LRRK2: variants seen among roughly 807,000 people sequenced by gnomAD.
LRRK2 encodes leucine-rich repeat serine/threonine-protein kinase 2.
Under a neutral mutation model 302.6 loss-of-function variants are expected in LRRK2, and 203 were observed. That is an observed-to-expected ratio of 0.67 (90% CI 0.60 to 0.75). The LOEUF is 0.75. Among genes scored for constraint, LRRK2 ranks in the 30% least tolerant of loss-of-function variants. The pLI is 0.00. For missense variants in LRRK2, 2,830 were observed against 2,951.0 expected, an observed-to-expected ratio of 0.96 and a Z score of 0.95; for synonymous variants, 1,066 against 1,031.9, an observed-to-expected ratio of 1.03 and a Z score of -0.63.
At chr12:40,366,242 T>C (rs1946877370) in intron 49 of LRRK2, 1 of 151,898 alleles carries the variant, frequency 6.6e-6, no homozygotes, top group Non-Finnish European at 1.5e-5. Context: ...ACATGCTGTT[T>C]ATTTCTTTGC....
At chr12:40,344,277 G>A (rs1946130640) in intron 41 of LRRK2, among the ~76,000 whole-genome samples, 1 of 152,060 alleles carries the variant, frequency 6.6e-6, no homozygotes, top group Non-Finnish European at 1.5e-5. Flanking sequence ...CATTTATCAA[G>A]AAAAAATATG....
intron 23 of LRRK2, 94 bp downstream of exon 23, chr12:40,295,738 C>A: frequency 1.6e-6 from 2 of 1,225,720 alleles, no homozygotes; most frequent in Non-Finnish European, 2.3e-6. Flanking sequence ...AAAGAACATT[C>A]TACTTTTGTG....
chr12:40,246,802 G>A (rs1942006191), intron 7 of LRRK2, among the ~76,000 whole-genome samples: 1 of 152,076 alleles, frequency 6.6e-6, no homozygotes, highest in African/African-American at 2.4e-5. Flanking sequence ...TGAATGCAGC[G>A]CCAGGATTCA....
Position 40,243,661 on chromosome 12 carries a change from T to C in LRRK2, c.818T>C (p.Leu273Ser). ...SERIQEVSCC[L>S]LHRLTLGNFF... is the part of the protein sequence containing the mutation. ...AGAATTCAAGAAGTGAGTTGCTGTT[T>C]GCTCCATAGGCTTACATTAGGTGAG... Residue 273 changes from leucine (L) to serine (S), a missense_variant, in exon 7 of 51, where the codon TTG (leucine) becomes TCG (serine). Leu to Ser is a moderately radical substitution (Grantham distance 145). Transcript: ENST00000298910. 6.2e-7 allele frequency: 1 copy of C among 1,611,878 alleles called. No homozygotes were observed. The highest frequency in any genetic ancestry group is 8.5e-7 in the Non-Finnish European group (1 of 1,178,512).
In LRRK2 at chr12:40,338,127, ACTTTGCT is replaced by A. The variant is rs1945930514; in HGVS notation, c.5949-2166_5949-2160del. ...AGCTTACAGTCTAGTAGGAGAGTCA[ACTTTGCT>A]GTCTTTACCTCAGTGTTTTTCTCCC... On this transcript the variant is annotated intron_variant, in intron 40 of 50. Coordinates refer to ENST00000298910, the MANE Select transcript of LRRK2 (RefSeq NM_198578.4). 5.3e-5 allele frequency among the ~76,000 whole-genome samples: 8 copies of A among 152,124 alleles called. No individual in the cohort carries two copies. In the South Asian group the frequency reaches 1.7e-3, roughly 32 times the overall value.
At chr12:40,366,936 T>C in intron 49 of LRRK2, 70 bp from the exon 50 acceptor site, 1 of 1,167,298 alleles carries the variant, frequency 8.6e-7, no homozygotes, top group South Asian at 1.3e-5. Context: ...TATGAACAAC[T>C]TTACTTTTTT....
intron 39 of LRRK2, among the ~76,000 whole-genome samples, chr12:40,329,008 G>T (rs1371390506): frequency 6.6e-6 from 1 of 152,126 alleles, no homozygotes; most frequent in African/African-American, 2.4e-5. Context: ...CATGACTTCT[G>T]TGTGTTCAGG....
Position 40,354,478 on chromosome 12 carries a change from C to G in LRRK2, c.6756C>G (p.Ser2252=). ...TDSVTCLYCN[S]FSKQSKQKNF... is the part of the protein sequence containing the mutation. Reference sequence around the variant, plus strand: ...CTGTCACTTGTTTGTATTGCAATTCCTTTTCCAAGCAAAGGTATGGTAGTG... The same window carrying G: ...CTGTCACTTGTTTGTATTGCAATTCGTTTTCCAAGCAAAGGTATGGTAGTG... Residue 2252 remains serine (S), a synonymous_variant, in exon 45 of 51, where the codon TCC becomes TCG. Coordinates refer to ENST00000298910, the MANE Select transcript of LRRK2 (RefSeq NM_198578.4). The G allele has an allele frequency of 6.2e-7, 1 of 1,613,960 alleles. No homozygotes were observed. The highest frequency in any genetic ancestry group is 2.2e-5 in the East Asian group (1 of 44,860).
chr12:40,368,273 G>C lies in LRRK2; in HGVS notation c.*508G>C, dbSNP rs929483172. On this transcript the variant is annotated 3_prime_UTR_variant, in exon 51 of 51. Coordinates refer to ENST00000298910, the MANE Select transcript of LRRK2 (RefSeq NM_198578.4). ...TGCTTGTAAATATTCAAATGAATTT[G>C]CACTAATAAAGTCCTTTGTTGGTAT... 6.6e-6 allele frequency: 1 copy of C among 151,982 alleles called. No homozygotes were observed. The highest frequency in any genetic ancestry group is 6.6e-5 in the Admixed American group (1 of 15,192). 9.4% of individuals were successfully genotyped at this position (151,982 alleles called of 1,614,324 possible).
At chr12:40,234,445 C>A (rs1219871307) in intron 3 of LRRK2, among the ~76,000 whole-genome samples, 2 of 121,866 alleles carry the variant, frequency 1.6e-5, no homozygotes, top group Admixed American at 1.1e-4. Flanking sequence ...GTGGCGTGAT[C>A]TCGGCTCACT....
At chr12:40,237,693 G>T (rs1207733850) in intron 4 of LRRK2, among the ~76,000 whole-genome samples, 1 of 152,082 alleles carries the variant, frequency 6.6e-6, no homozygotes, top group Non-Finnish European at 1.5e-5. Context: ...AGATGTTTGG[G>T]GCAAGTTGTC....
intron 40 of LRRK2, among the ~76,000 whole-genome samples, chr12:40,338,783 A>T (rs796961800): frequency 2.6e-5 from 4 of 152,344 alleles, no homozygotes; most frequent in African/African-American, 9.6e-5. Context: ...GGCATGTCTT[A>T]TAAAGGATTT....
Position 40,367,059 on chromosome 12 carries a change from G to T in LRRK2, c.7444G>T (p.Gly2482Cys). The change falls in exon 50 of 51, where the codon GGT becomes TGT. Residue 2482 changes from glycine (G) to cysteine (C), a missense_variant. By Grantham distance (159) the Gly-to-Cys change is radical. This residue lies in a region of LRRK2 where 456 missense variants were observed against 456.3 expected (regional missense o/e 1.00). Coordinates refer to ENST00000298910, the MANE Select transcript of LRRK2 (RefSeq NM_198578.4). ...VLGYNRKNTE[G>C]TQKQKEIQSC... The stretch of plus-strand genomic sequence containing the variant: ...GGGCTACAACCGGAAAAATACTGAA[G>T]GTACACAAAAGCAGAAAGGTAACAT... 2 of 1,608,566 alleles carry T rather than the reference G, an allele frequency of 1.2e-6. No homozygotes were observed. Among genetic ancestry groups the T allele is most frequent in the East Asian group, 2.2e-5 (1 of 44,600 alleles).
At chr12:40,309,429 C>T (rs1944961511) in intron 30 of LRRK2, among the ~76,000 whole-genome samples, 196 bp downstream of exon 30, 2 of 151,836 alleles carry the variant, frequency 1.3e-5, no homozygotes, top group Admixed American at 1.3e-4. Flanking sequence ...TTGTATGTTC[C>T]ATGTTGGTGA....
chr12:40,265,782 T>C (rs1942983299), intron 14 of LRRK2, among the ~76,000 whole-genome samples: 3 of 152,124 alleles, frequency 2.0e-5, no homozygotes, highest in South Asian at 2.1e-4. Context: ...CAAAACAGCA[T>C]GGTACTGGTA....
At chr12:40,354,062 G>A (rs1254848152) in intron 44 of LRRK2, among the ~76,000 whole-genome samples, 1 of 152,164 alleles carries the variant, frequency 6.6e-6, no homozygotes, top group African/African-American at 2.4e-5. Flanking sequence ...GAAGGAATGA[G>A]AATTCACACT....
intron 39 of LRRK2, among the ~76,000 whole-genome samples, chr12:40,329,308 T>C (rs1020062272): frequency 1.6e-4 from 25 of 152,222 alleles, no homozygotes; most frequent in African/African-American, 5.8e-4. Flanking sequence ...TTTGTTTTTT[T>C]AGTATACCAA....
chr12:40,302,636 T>C (rs1189936108), intron 25 of LRRK2, among the ~76,000 whole-genome samples, 153 bp from the exon 26 acceptor site: 1 of 152,164 alleles, frequency 6.6e-6, no homozygotes, highest in African/African-American at 2.4e-5. Flanking sequence ...TTAAGGCTAT[T>C]ACCTTATTTT....
chr12:40,244,118 C>G (rs1255899982), intron 7 of LRRK2, among the ~76,000 whole-genome samples: 1 of 152,094 alleles, frequency 6.6e-6, no homozygotes, highest in Non-Finnish European at 1.5e-5. Context: ...GGAAGCTACC[C>G]TGGGCTTCTT....
Sources: allele counts gnomAD v4.1 joint callset (sites outside exome capture counted in the v4.1 genomes callset), GRCh38; gene constraint gnomAD v4.1.1; regional missense constraint gnomAD v4.1.1; transcripts MANE v1.5; gene names NCBI Gene and HGNC (gene_info 2026-07-23, HGNC 2026-07-21).